The following CAMK2B variants were observed in gnomAD, a reference collection of about 807,000 sequenced individuals.
The protein encoded by CAMK2B is calcium/calmodulin-dependent protein kinase type II subunit beta.
CAMK2B carries 27 observed loss-of-function variants against 93.7 expected under a neutral mutation model. The observed-to-expected ratio is 0.29, with a 90% CI of 0.21 to 0.40. The LOEUF is 0.40. Among genes scored for constraint, CAMK2B ranks in the 10% least tolerant of loss-of-function variants. The probability of loss-of-function intolerance (pLI) is 1.00; values close to 1 mark genes in which losing one functional copy is unlikely to be tolerated. For synonymous variants in CAMK2B, 374 were observed against 358.8 expected (o/e 1.04, Z -0.48); for missense variants, 568 against 895.8 (o/e 0.63, Z 4.67).
chr7:44,287,460 C>T (rs1342705282), intron 1 of CAMK2B, among the ~76,000 whole-genome samples: 1 of 152,192 alleles, frequency 6.6e-6, no homozygotes, highest in Non-Finnish European at 1.5e-5. Context: ...CCTCTGTCTC[C>T]TCCCCTTCCT....
intron 1 of CAMK2B, among the ~76,000 whole-genome samples, chr7:44,297,760 A>C (rs1788687812): frequency 6.6e-6 from 1 of 152,252 alleles, no homozygotes; most frequent in South Asian, 2.1e-4. Flanking sequence ...CCAGGGACAA[A>C]AAAATGGTCA....
chr7:44,286,820 C>T lies in CAMK2B; in HGVS notation c.66-2595G>A, dbSNP rs1162723141. ...CCAGGGGGCCAAGGCCAGGCAGCGCCGCTGAGGAAGGAGGAAGGCATGGCT... is the reference window on the plus strand; with the variant it reads ...CCAGGGGGCCAAGGCCAGGCAGCGCTGCTGAGGAAGGAGGAAGGCATGGCT... On this transcript the variant is annotated intron_variant, in intron 1 of 23. Coordinates refer to ENST00000395749, the MANE Select transcript of CAMK2B (RefSeq NM_001220.5). The surrounding 1 kb of genome is among the most constrained non-coding windows in gnomAD (Gnocchi z 4.0). Among the ~76,000 whole-genome samples the T allele has an allele frequency of 6.6e-6, 1 of 152,170 alleles. No individual in the cohort carries two copies. Among genetic ancestry groups the T allele is most frequent in the African/African-American group, 2.4e-5 (1 of 41,454 alleles).
chr7:44,234,254 C>G (rs943588968), intron 15 of CAMK2B, 136 bp downstream of exon 15: 4 of 712,126 alleles, frequency 5.6e-6, no homozygotes, highest in Non-Finnish European at 9.2e-6. Context: ...GGATGAGGGG[C>G]GGGGGCCATG....
rs1423796196 is a variant in CAMK2B, at chr7:44,239,570, C to T, written c.1021+19G>A. On this transcript the variant is annotated intron_variant, in intron 13 of 23. Coordinates refer to ENST00000395749, the MANE Select transcript of CAMK2B (RefSeq NM_001220.5). ...GGGACGGGCGGGAGCGGGCGGGACG[C>T]TGGTCGAGACACATCTACCTTGTTC... The T allele has an allele frequency of 6.5e-7, 1 of 1,544,214 alleles. No homozygotes were observed. The highest frequency in any genetic ancestry group is 8.7e-7 in the Non-Finnish European group (1 of 1,143,484).
intron 3 of CAMK2B, among the ~76,000 whole-genome samples, chr7:44,261,281 C>T (rs924957630): frequency 6.6e-6 from 1 of 152,266 alleles, no homozygotes; most frequent in African/African-American, 2.4e-5. Context: ...CCCCTCTGAG[C>T]TGCCCCACCT....
At chr7:44,293,297 T>C (rs1373361370) in intron 1 of CAMK2B, among the ~76,000 whole-genome samples, 1 of 152,232 alleles carries the variant, frequency 6.6e-6, no homozygotes, top group African/African-American at 2.4e-5. Context: ...TTTTTGACAA[T>C]GCTATGAGCA....
intron 11 of CAMK2B, 74 bp downstream of exon 11, chr7:44,241,626 A>G: frequency 8.2e-7 from 1 of 1,221,758 alleles, no homozygotes; most frequent in Non-Finnish European, 1.2e-6. Flanking sequence ...CAGACCCCCC[A>G]AGGCCCCCCT....
intron 20 of CAMK2B, among the ~76,000 whole-genome samples, chr7:44,221,521 C>G (rs749228234): frequency 6.6e-6 from 1 of 152,166 alleles, no homozygotes; most frequent in African/African-American, 2.4e-5. Flanking sequence ...CAGGGTTCCC[C>G]GGAGCGATGA....
intron 2 of CAMK2B, among the ~76,000 whole-genome samples, chr7:44,282,665 G>C (rs968955054): frequency 6.6e-6 from 1 of 152,228 alleles, no homozygotes; most frequent in African/African-American, 2.4e-5. Context: ...CCCAAGAAGG[G>C]GAAACACTGA....
chr7:44,225,866 C>A lies in CAMK2B; in HGVS notation c.1597+650G>T. 7.8e-7 allele frequency: 1 copy of A among 1,289,384 alleles called. No homozygotes were observed. Among genetic ancestry groups the A allele is most frequent in the South Asian group, 1.2e-5 (1 of 81,012 alleles). 79.9% of individuals were successfully genotyped at this position (1,289,384 alleles called of 1,614,324 possible). The stretch of plus-strand genomic sequence containing the variant: ...GGTGTCTCCCCACAGGTGGGGGTGG[C>A]AGCAGCCCTGGGATGTCATCCATCC... On this transcript the variant is annotated intron_variant, in intron 20 of 23. Coordinates refer to ENST00000395749, the MANE Select transcript of CAMK2B (RefSeq NM_001220.5). The surrounding 1 kb of genome is among the most constrained non-coding windows in gnomAD (Gnocchi z 5.0).
chr7:44,322,142 C>T (rs1796258006), intron 1 of CAMK2B, among the ~76,000 whole-genome samples: 1 of 152,226 alleles, frequency 6.6e-6, no homozygotes, highest in Non-Finnish European at 1.5e-5. Context: ...CACTACAGGT[C>T]GCCACGCAGC....
At chr7:44,237,485 T>C (rs1345779859) in intron 13 of CAMK2B, among the ~76,000 whole-genome samples, 1 of 152,212 alleles carries the variant, frequency 6.6e-6, no homozygotes, top group Non-Finnish European at 1.5e-5. Flanking sequence ...TTCCCAAACA[T>C]CCTTCCTTGT....
rs1784420134 is a variant in CAMK2B, at chr7:44,284,046, C to G, written c.160+85G>C. On this transcript the variant is annotated intron_variant, in intron 2 of 23. Transcript: ENST00000395749. ...AAGTGCTGGCCAAGACTGGGAGGGG[C>G]CTGCTGCCCAGTCCACAGGGCACGG... is the stretch of plus-strand genomic sequence containing the variant. 3.2e-5 allele frequency: 31 copies of G among 965,920 alleles called. 1 individual carries two copies. The South Asian group carries it at 4.4e-4, about 14-fold the overall frequency. The allele number at this position is 965,920 out of a possible 1,614,324, so 59.8% of individuals were successfully genotyped here. A position where few individuals can be genotyped will look rare whatever the true frequency, so the allele number is the denominator to read the frequency against.
chr7:44,235,754 G>T (rs930141617), intron 13 of CAMK2B, among the ~76,000 whole-genome samples: 4 of 152,214 alleles, frequency 2.6e-5, no homozygotes, highest in African/African-American at 9.6e-5. Flanking sequence ...AGGGGATGAC[G>T]ACATGGGAAG....
Position 44,285,325 on chromosome 7 carries a change from C to A in CAMK2B, c.66-1100G>T, listed in dbSNP as rs539312570. On this transcript the variant is annotated intron_variant, in intron 1 of 23. Transcript: ENST00000395749. The stretch of plus-strand genomic sequence containing the variant: ...AGACAAAAGGGCCAGCGGATGCTCT[C>A]AGGCTGGGGCTGGGAGAAAGGGGGG... Among the ~76,000 whole-genome samples, 15 of 152,362 alleles carry A rather than the reference C, an allele frequency of 9.8e-5. No individual in the cohort carries two copies. In the South Asian group the frequency reaches 3.1e-3, roughly 32 times the overall value.
At chr7:44,291,390 G>T (rs1304669281) in intron 1 of CAMK2B, among the ~76,000 whole-genome samples, 1 of 152,172 alleles carries the variant, frequency 6.6e-6, no homozygotes, top group African/African-American at 2.4e-5. Flanking sequence ...CCCCAGGTAG[G>T]TGCAAGCCGA....
intron 13 of CAMK2B, among the ~76,000 whole-genome samples, chr7:44,237,021 G>A (rs571170229): frequency 6.6e-6 from 1 of 152,374 alleles, no homozygotes; most frequent in African/African-American, 2.4e-5. Flanking sequence ...GGTTTCAGAA[G>A]GCTAGTTCCA....
chr7:44,233,007 G>A (rs773102843), intron 15 of CAMK2B, 141 bp from the exon 16 acceptor site: 2 of 743,010 alleles, frequency 2.7e-6, no homozygotes, highest in African/African-American at 3.5e-5. Context: ...AGAGCAGAGT[G>A]GGGGACAGGG....
At chr7:44,321,665 C>T (rs563783932) in intron 1 of CAMK2B, among the ~76,000 whole-genome samples, 3 of 152,258 alleles carry the variant, frequency 2.0e-5, no homozygotes, top group African/African-American at 7.2e-5. Context: ...AGGAGGGGCC[C>T]ATGAACCCCT....
Sources: gnomAD v4.1 joint callset for allele counts (sites outside exome capture counted in the v4.1 genomes callset) on GRCh38, gnomAD v4.1.1 for gene constraint, Gnocchi (gnomAD v3.1) non-coding constraint, MANE v1.5 for transcripts, NCBI Gene and HGNC (gene_info 2026-07-23, HGNC 2026-07-21) for gene names.